The following TYW1B variants were observed in gnomAD, a reference collection of about 807,000 sequenced individuals.
The protein encoded by TYW1B is S-adenosyl-L-methionine-dependent tRNA 4-demethylwyosine synthase TYW1B.
A neutral mutation model predicts 86.9 loss-of-function variants in TYW1B; 73 were observed. That is an observed-to-expected ratio of 0.84 (90% CI 0.70 to 1.02). TYW1B has a LOEUF of 1.02. Among genes scored for constraint, TYW1B ranks in the 50% least tolerant of loss-of-function variants. The probability of loss-of-function intolerance (pLI) is 0.00; values close to 1 mark genes in which losing one functional copy is unlikely to be tolerated. For missense variants in TYW1B, 637 were observed against 827.4 expected (o/e 0.77, Z 2.82); for synonymous variants, 248 against 292.8 (o/e 0.85, Z 1.56).
chr7:72,734,438 T>C (rs1429089735), intron 8 of TYW1B, among the ~76,000 whole-genome samples: 1 of 151,998 alleles, frequency 6.6e-6, no homozygotes, highest in Admixed American at 6.6e-5. Flanking sequence ...GGAAAGACAA[T>C]ATACAAAAAT....
At chr7:72,824,762 T>A (rs1206508322) in intron 2 of TYW1B, among the ~76,000 whole-genome samples, 2 of 151,762 alleles carry the variant, frequency 1.3e-5, no homozygotes, top group Non-Finnish European at 2.9e-5. Flanking sequence ...AAATTTTTTT[T>A]AAATAGCTGT....
intron 8 of TYW1B, among the ~76,000 whole-genome samples, chr7:72,738,394 T>C (rs1456532340): frequency 3.9e-5 from 6 of 152,176 alleles, no homozygotes; most frequent in African/African-American, 1.4e-4. Flanking sequence ...GGTCACATTC[T>C]GTTTCAATGC....
At chr7:72,684,398 G>C (rs556458039) in intron 11 of TYW1B, among the ~76,000 whole-genome samples, 16 of 152,258 alleles carry the variant, frequency 1.1e-4, no homozygotes, top group Admixed American at 1.0e-3. Flanking sequence ...CAGAAACCAT[G>C]CAAGCAAGGA....
chr7:72,683,541 G>T (rs1459904474), intron 11 of TYW1B, among the ~76,000 whole-genome samples: 2 of 152,160 alleles, frequency 1.3e-5, no homozygotes, highest in African/African-American at 2.4e-5. Flanking sequence ...CTGCACTCCA[G>T]CCTGAGTGAC....
At chr7:72,586,287 G>A (rs1811274595) in intron 13 of TYW1B, among the ~76,000 whole-genome samples, 2 of 152,170 alleles carry the variant, frequency 1.3e-5, no homozygotes, top group African/African-American at 4.8e-5. Context: ...AAATGCACCT[G>A]AGTCTTGGTG....
At chr7:72,797,690 C>T (rs1390922245) in intron 6 of TYW1B, among the ~76,000 whole-genome samples, 4 of 152,110 alleles carry the variant, frequency 2.6e-5, no homozygotes, top group Non-Finnish European at 5.9e-5. Context: ...GCACTTCAGT[C>T]TGGATGAAGG....
At chr7:72,599,123 A>G (rs1342010420) in intron 13 of TYW1B, among the ~76,000 whole-genome samples, 2 of 152,362 alleles carry the variant, frequency 1.3e-5, no homozygotes, top group East Asian at 3.9e-4. Context: ...CCATAAACAC[A>G]GATGTAAAAT....
intron 2 of TYW1B, among the ~76,000 whole-genome samples, chr7:72,817,828 T>G (rs1456817884): frequency 6.6e-6 from 1 of 152,072 alleles, no homozygotes; most frequent in Non-Finnish European, 1.5e-5. Context: ...AGGCTTCCAA[T>G]TGGTTACACC....
intron 12 of TYW1B, among the ~76,000 whole-genome samples, chr7:72,621,982 A>G (rs1812229810): frequency 6.6e-6 from 1 of 152,264 alleles, no homozygotes; most frequent in African/African-American, 2.4e-5. Context: ...ACACACAGCT[A>G]GGGTGCCAAC....
At chr7:72,629,811 G>A (rs1345319549) in intron 11 of TYW1B, among the ~76,000 whole-genome samples, 2 of 152,002 alleles carry the variant, frequency 1.3e-5, no homozygotes, top group African/African-American at 4.8e-5. Flanking sequence ...GGCTTCCGAA[G>A]GGCTGGGATT....
chr7:72,637,799 A>G (rs1299505131), intron 11 of TYW1B, among the ~76,000 whole-genome samples: 3 of 151,406 alleles, frequency 2.0e-5, no homozygotes, highest in Non-Finnish European at 2.9e-5. Flanking sequence ...TGTCTTCTTC[A>G]AAACTTTTTT....
chr7:72,774,518 A>G (rs28788872), intron 7 of TYW1B, among the ~76,000 whole-genome samples: 1 of 151,654 alleles, frequency 6.6e-6, no homozygotes, highest in African/African-American at 2.4e-5. Flanking sequence ...GTCAGGAGAT[A>G]GAGACCATCC....
At chr7:72,794,006 T>G (rs1177192731) in intron 6 of TYW1B, among the ~76,000 whole-genome samples, 1 of 152,172 alleles carries the variant, frequency 6.6e-6, no homozygotes, top group African/African-American at 2.4e-5. Flanking sequence ...GATTACAGAT[T>G]GACGTACGGC....
chr7:72,740,485 T>C (rs369433586), intron 8 of TYW1B, among the ~76,000 whole-genome samples: 2,250 of 103,528 alleles, frequency 0.022, 31 homozygotes, highest in Non-Finnish European at 0.036. Context: ...TTTTTTTTTT[T>C]CTCCAATTTT....
At chr7:72,626,956 G>A (rs1195549493) in intron 12 of TYW1B, among the ~76,000 whole-genome samples, 1 of 151,710 alleles carries the variant, frequency 6.6e-6, no homozygotes, top group Non-Finnish European at 1.5e-5. Flanking sequence ...ATCAAACTTA[G>A]TTTAAAATCC....
intron 4 of TYW1B, among the ~76,000 whole-genome samples, chr7:72,810,026 G>T (rs1223661861): frequency 6.7e-6 from 1 of 149,482 alleles, no homozygotes; most frequent in African/African-American, 2.5e-5. Context: ...ACACAGAAGA[G>T]GCTGGGCACA....
intron 2 of TYW1B, among the ~76,000 whole-genome samples, chr7:72,826,470 G>T (rs1293003176): frequency 6.6e-6 from 1 of 151,982 alleles, no homozygotes; most frequent in East Asian, 1.9e-4. Context: ...TTCCCTCCAA[G>T]AAAAAACTTT....
intron 8 of TYW1B, among the ~76,000 whole-genome samples, chr7:72,742,305 T>C (rs1420474450): frequency 2.0e-5 from 3 of 152,100 alleles, no homozygotes; most frequent in Non-Finnish European, 4.4e-5. Flanking sequence ...AATTTTTGCA[T>C]GTTTCGTAGA....
chr7:72,778,595 G>A (rs1385749111), intron 6 of TYW1B, among the ~76,000 whole-genome samples: 4 of 152,122 alleles, frequency 2.6e-5, no homozygotes, highest in South Asian at 2.1e-4. Flanking sequence ...GACTACAGGC[G>A]TGCACCACCA....
Sources: gnomAD v4.1 joint callset for allele counts (sites outside exome capture counted in the v4.1 genomes callset) on GRCh38, gnomAD v4.1.1 for gene constraint, MANE v1.5 for transcripts, NCBI Gene and HGNC (gene_info 2026-07-23, HGNC 2026-07-21) for gene names.